The following XRCC1 variants were observed in gnomAD, a reference collection of about 807,000 sequenced individuals.
The protein encoded by XRCC1 is X-ray repair cross complementing 1, also known as DNA repair protein XRCC1.
In XRCC1, 52 loss-of-function variants were observed where a neutral mutation model predicts 83.3. That is an observed-to-expected ratio of 0.62 (90% CI 0.50 to 0.79). The LOEUF (loss-of-function observed/expected upper bound fraction) is 0.79, where lower values mean the gene tolerates loss of function less well. Among genes scored for constraint, XRCC1 ranks in the 30% least tolerant of loss-of-function variants. XRCC1 has a pLI of 0.00. For missense variants in XRCC1, 793 were observed against 823.5 expected, an observed-to-expected ratio of 0.96 and a Z score of 0.45; for synonymous variants, 281 against 312.6, an observed-to-expected ratio of 0.90 and a Z score of 1.07.
intron 2 of XRCC1, among the ~76,000 whole-genome samples, chr19:43,572,520 G>A (rs3213259): frequency 1.6e-3 from 248 of 152,340 alleles, no homozygotes; most frequent in African/African-American, 5.8e-3. Context: ...TTAAAAGACT[G>A]AGGTCAGGTG....
chr19:43,566,234 TAA>T (rs768641209), intron 2 of XRCC1, among the ~76,000 whole-genome samples: 21 of 132,362 alleles, frequency 1.6e-4, no homozygotes, highest in Non-Finnish European at 1.8e-4. Flanking sequence ...AGACTCCATC[TAA>T]AAAAAAAAAA....
Position 43,560,991 on chromosome 19 carries a change from C to T in XRCC1, c.174G>A (p.Val58=), listed in dbSNP as rs1972693073. ...QLEKEEQIHS[V]DIGNDGSAFV... ...AAGCTGAGCCATCATTCCCAATGTC[C>T]ACACTGTGTATCTGCTCCTCCTTCT... The change falls in exon 3 of 17, where the codon GTG becomes GTA. Residue 58 remains valine, a synonymous_variant. Coordinates refer to ENST00000262887, the MANE Select transcript of XRCC1 (RefSeq NM_006297.3). 1.9e-6 allele frequency: 3 copies of T among 1,614,200 alleles called. No homozygotes were observed. The highest frequency in any genetic ancestry group is 2.5e-6 in the Non-Finnish European group (3 of 1,180,020).
intron 2 of XRCC1, among the ~76,000 whole-genome samples, chr19:43,564,919 G>A (rs1015281504): frequency 6.6e-6 from 1 of 152,172 alleles, no homozygotes; most frequent in African/African-American, 2.4e-5. Context: ...GAGCACTAGA[G>A]GAGAACGTGT....
Position 43,553,462 on chromosome 19 carries a change from C to G in XRCC1, c.540G>C (p.Glu180Asp), listed in dbSNP as rs1284016989. 6.2e-7 allele frequency: 1 copy of G among 1,614,048 alleles called. No individual in the cohort carries two copies. The highest frequency in any genetic ancestry group is 8.5e-7 in the Non-Finnish European group (1 of 1,180,034). ...CCCCCGGCCTCAGAGAGTTGGCGCT[C>G]TCATCCTCCTCCTTCACACGGAACT... ...LGQFRVKEEDESANSLRPGAL... is the reference protein window; with the variant it reads ...LGQFRVKEEDDSANSLRPGAL... The change falls in exon 6 of 17, where the codon GAG becomes GAC. Residue 180 changes from glutamate (E) to aspartate (D), a missense_variant. Transcript: ENST00000262887.
At chr19:43,544,499 C>CCT (rs918806636) in intron 14 of XRCC1, among the ~76,000 whole-genome samples, 8 of 151,360 alleles carry the variant, frequency 5.3e-5, no homozygotes, top group African/African-American at 1.9e-4. Flanking sequence ...GAGCCACTTA[C>CCT]CTCTCTCTCT....
Position 43,543,372 on chromosome 19 carries a change from GTGTGTGTA to G in XRCC1, c.*12_*19del. The stretch of plus-strand genomic sequence containing the variant: ...TGTGTGTGTGTGTGTGTGTGTGTGT[GTGTGTGTA>G]TAGCACATACTTCAGGCTTGCGGCA... On this transcript the variant is annotated 3_prime_UTR_variant, in exon 17 of 17. Coordinates refer to ENST00000262887, the MANE Select transcript of XRCC1 (RefSeq NM_006297.3). 4 of 1,451,266 alleles carry G rather than the reference GTGTGTGTA, an allele frequency of 2.8e-6. No homozygotes were observed. Among genetic ancestry groups the G allele is most frequent in the Non-Finnish European group, 3.8e-6 (4 of 1,041,726 alleles). The allele number at this position is 1,451,266 out of a possible 1,614,324, so 89.9% of individuals were successfully genotyped here.
At chr19:43,552,623 C>G (rs546744003) in intron 8 of XRCC1, among the ~76,000 whole-genome samples, 174 bp downstream of exon 8, 3 of 148,624 alleles carry the variant, frequency 2.0e-5, no homozygotes, top group Admixed American at 2.0e-4. Flanking sequence ...AGGCCCTCAG[C>G]CCCTCCTCCC....
At position 43,546,587 on chromosome 19, in the gene XRCC1, A is replaced by C; in HGVS notation, c.1426+8T>G. 6.2e-7 allele frequency: 1 copy of C among 1,601,742 alleles called. No individual in the cohort carries two copies. Among genetic ancestry groups the C allele is most frequent in the Non-Finnish European group, 8.5e-7 (1 of 1,176,722 alleles). ...CAGGCCCCAGCCCCTCCTCCCTCAG[A>C]GTCTGACCTGACTGTACCCCCTCAA... is the stretch of plus-strand genomic sequence containing the variant. On this transcript the variant is annotated splice_region_variant and intron_variant, in intron 12 of 16. Transcript: ENST00000262887.
chr19:43,551,694 G>T lies in XRCC1; in HGVS notation c.1083-7C>A, dbSNP rs1237231935. On this transcript the variant is annotated splice_polypyrimidine_tract_variant and splice_region_variant and intron_variant, in intron 9 of 16. Transcript: ENST00000262887. ...GGTGTTGGCAAAGGCACAGCTGGTG[G>T]GGGGCAGAAGTGAAGATGCCAGTTA... is the stretch of plus-strand genomic sequence containing the variant. The T allele has an allele frequency of 1.9e-6, 3 of 1,611,794 alleles. 1 individual carries two copies. In the South Asian group the frequency reaches 3.3e-5, roughly 18 times the overall value.
intron 8 of XRCC1, 102 bp downstream of exon 8, chr19:43,552,695 A>C: frequency 8.5e-7 from 1 of 1,174,876 alleles, no homozygotes; most frequent in Non-Finnish European, 1.2e-6. Context: ...CCAGGCCCCC[A>C]GCCCTTCCTC....
At position 43,575,524 on chromosome 19, in the gene XRCC1, G is replaced by C. The variant is rs1162494315; in HGVS notation, c.-66C>G. 2 of 1,532,456 alleles carry C rather than the reference G, an allele frequency of 1.3e-6. No individual in the cohort carries two copies. The highest frequency in any genetic ancestry group is 1.4e-5 in the African/African-American group (1 of 72,866). The allele number at this position is 1,532,456 out of a possible 1,614,324, so 94.9% of individuals were successfully genotyped here. On this transcript the variant is annotated 5_prime_UTR_variant, in exon 1 of 17. Coordinates refer to ENST00000262887, the MANE Select transcript of XRCC1 (RefSeq NM_006297.3). Reference sequence around the variant, plus strand: ...GAGTATGGGGTCCGAGGGGCAGGGAGAGTGGGAGGGGGCGGGGTGCGCCCT... The same window carrying C: ...GAGTATGGGGTCCGAGGGGCAGGGACAGTGGGAGGGGGCGGGGTGCGCCCT...
intron 10 of XRCC1, among the ~76,000 whole-genome samples, chr19:43,548,606 A>G (rs1187732582): frequency 6.6e-6 from 1 of 152,014 alleles, no homozygotes; most frequent in Non-Finnish European, 1.5e-5. Flanking sequence ...CCACTCCCTA[A>G]TCTCAAGTAC....
intron 10 of XRCC1, among the ~76,000 whole-genome samples, chr19:43,549,071 C>T (rs1336610954): frequency 6.6e-6 from 1 of 152,078 alleles, no homozygotes; most frequent in East Asian, 1.9e-4. Flanking sequence ...AGGTAAGTCA[C>T]ACTCATAAAA....
intron 2 of XRCC1, among the ~76,000 whole-genome samples, chr19:43,573,079 T>G (rs1346857419): frequency 6.6e-6 from 1 of 151,926 alleles, no homozygotes; most frequent in Non-Finnish European, 1.5e-5. Context: ...ACTACAGGCA[T>G]ACGCCACCAA....
intron 10 of XRCC1, among the ~76,000 whole-genome samples, chr19:43,548,498 T>C (rs993102574): frequency 3.3e-5 from 5 of 152,034 alleles, no homozygotes; most frequent in East Asian, 1.9e-4. Context: ...CTCTGAAACA[T>C]GTGTTGTGTC....
At chr19:43,549,226 T>G (rs1012224350) in intron 10 of XRCC1, among the ~76,000 whole-genome samples, 5 of 152,136 alleles carry the variant, frequency 3.3e-5, no homozygotes, top group South Asian at 2.1e-4. Flanking sequence ...TGGAGAGTCA[T>G]CCTCTTGGGG....
In XRCC1 at chr19:43,544,250, G is replaced by C; in HGVS notation, c.1622-16C>G. On this transcript the variant is annotated splice_polypyrimidine_tract_variant and intron_variant, in intron 14 of 16. Transcript: ENST00000262887. ...TGGAAGAAATCTGCAGGAGAGAAGG[G>C]GGCTAAGGTAAGCATGAGGCCCCAG... is the stretch of plus-strand genomic sequence containing the variant. 3 of 1,597,966 alleles carry C rather than the reference G, an allele frequency of 1.9e-6. No individual in the cohort carries two copies. Among genetic ancestry groups the C allele is most frequent in the Non-Finnish European group, 2.6e-6 (3 of 1,171,602 alleles).
chr19:43,551,681 G>C lies in XRCC1; in HGVS notation c.1089C>G (p.Ala363=), dbSNP rs145754145. 1 of 1,614,014 alleles carries C rather than the reference G, an allele frequency of 6.2e-7. No homozygotes were observed. The highest frequency in any genetic ancestry group is 8.5e-7 in the Non-Finnish European group (1 of 1,179,954). The change falls in exon 10 of 17, where the codon GCC becomes GCG. Residue 363 remains alanine (A), a synonymous_variant. Transcript: ENST00000262887. ...WTRDSTHLIC[A]FANTPKYSQV... ...GGCTGTACTTGGGGGTGTTGGCAAAGGCACAGCTGGTGGGGGGCAGAAGTG... is the reference window on the plus strand; with the variant it reads ...GGCTGTACTTGGGGGTGTTGGCAAACGCACAGCTGGTGGGGGGCAGAAGTG...
At chr19:43,561,844 G>T (rs1972702473) in intron 2 of XRCC1, among the ~76,000 whole-genome samples, 1 of 152,124 alleles carries the variant, frequency 6.6e-6, no homozygotes, top group Non-Finnish European at 1.5e-5. Flanking sequence ...TAGGATCCTA[G>T]AATGACGCAT....
Sources: gnomAD v4.1 joint callset for allele counts (sites outside exome capture counted in the v4.1 genomes callset) on GRCh38, gnomAD v4.1.1 for gene constraint, MANE v1.5 for transcripts, NCBI Gene and HGNC (gene_info 2026-07-23, HGNC 2026-07-21) for gene names.